SRP68: variants seen among roughly 807,000 people sequenced by gnomAD.
The protein encoded by SRP68 is signal recognition particle 68, also known as signal recognition particle subunit SRP68.
In SRP68, 15 loss-of-function variants were observed where a neutral mutation model predicts 82.2. The ratio of observed to expected loss-of-function variants is 0.18; its 90% CI spans 0.12 to 0.28. The LOEUF (loss-of-function observed/expected upper bound fraction) is 0.28. SRP68 is among the 10% of genes least tolerant of loss of function. SRP68 has a pLI of 1.00. For synonymous variants in SRP68, 261 were observed against 292.6 expected, an observed-to-expected ratio of 0.89 and a Z score of 1.10; for missense variants, 595 against 780.5, an observed-to-expected ratio of 0.76 and a Z score of 2.83.
At position 76,072,310 on chromosome 17, in the gene SRP68, T is replaced by C; in HGVS notation, c.182A>G (p.Glu61Gly). Residue 61 changes from glutamate (E) to glycine (G), a missense_variant and splice_region_variant, in exon 1 of 16, where the codon GAG (glutamate) becomes GGG (glycine). Glu to Gly is a moderately conservative substitution (Grantham distance 98, BLOSUM62 -2). Transcript: ENST00000307877. This position sits in a 1 kb window ranked among gnomAD's most constrained non-coding sequence, Gnocchi z 4.5. ...NKEFGDSLSLEILQIIKESQQ... is the reference protein window; with the variant it reads ...NKEFGDSLSLGILQIIKESQQ... Reference sequence around the variant, plus strand: ...TAGGCCCGATTACTCTAGGATACTCTCCAAACTCAGGCTATCCCCAAATTC... The same window carrying C: ...TAGGCCCGATTACTCTAGGATACTCCCCAAACTCAGGCTATCCCCAAATTC... 1 of 1,612,076 alleles carries C rather than the reference T, an allele frequency of 6.2e-7. No individual in the cohort carries two copies. The highest frequency in any genetic ancestry group is 8.5e-7 in the Non-Finnish European group (1 of 1,179,412).
chr17:76,065,902 CCTT>C (rs1429032514), intron 3 of SRP68, among the ~76,000 whole-genome samples: 2 of 151,494 alleles, frequency 1.3e-5, no homozygotes, highest in African/African-American at 4.9e-5. Flanking sequence ...TGCCTCCTCT[CCTT>C]CTATATCTAG....
intron 8 of SRP68, among the ~76,000 whole-genome samples, chr17:76,052,729 G>A (rs575105118): frequency 5.3e-5 from 8 of 151,546 alleles, no homozygotes; most frequent in South Asian, 2.1e-4. Context: ...GCGTGAACCC[G>A]GGAGGCGGAG....
intron 4 of SRP68, 47 bp downstream of exon 4, chr17:76,063,929 A>G: frequency 6.6e-7 from 1 of 1,505,442 alleles, no homozygotes. Flanking sequence ...GCTTTTTAAA[A>G]TGTCTTTAAT....
Position 76,063,961 on chromosome 17 carries a change from T to C in SRP68, c.561+15A>G. ...TAATCTCCACAATAAACAAGCTGAATGTTGAGGTACTAACCTGAGCCTCTA... is the reference window on the plus strand; with the variant it reads ...TAATCTCCACAATAAACAAGCTGAACGTTGAGGTACTAACCTGAGCCTCTA... On this transcript the variant is annotated intron_variant, in intron 4 of 15. Coordinates refer to ENST00000307877, the MANE Select transcript of SRP68 (RefSeq NM_014230.4). 1 of 1,600,562 alleles carries C rather than the reference T, an allele frequency of 6.2e-7. No individual in the cohort carries two copies. Among genetic ancestry groups the C allele is most frequent in the South Asian group, 1.1e-5 (1 of 90,126 alleles).
In SRP68 at chr17:76,072,090, G is replaced by T; in HGVS notation, c.184+218C>A. On this transcript the variant is annotated intron_variant, in intron 1 of 15. Coordinates refer to ENST00000307877, the MANE Select transcript of SRP68 (RefSeq NM_014230.4). The surrounding 1 kb of genome is among the most constrained non-coding windows in gnomAD (Gnocchi z 4.5). ...GCCTGATATCCCAGTGCCACTGGAA[G>T]AAACGGACCTAGCCAGGACGGCGAG... 1 of 882,010 alleles carries T rather than the reference G, an allele frequency of 1.1e-6. No individual in the cohort carries two copies. The highest frequency in any genetic ancestry group is 1.7e-6 in the Non-Finnish European group (1 of 596,336). The allele number at this position is 882,010 out of a possible 1,614,324, so 54.6% of individuals were successfully genotyped here.
intron 7 of SRP68, among the ~76,000 whole-genome samples, chr17:76,059,813 A>G (rs1316142376): frequency 1.4e-5 from 2 of 146,598 alleles, no homozygotes; most frequent in African/African-American, 5.1e-5. Flanking sequence ...AAAAAAGAAT[A>G]CTTCAAGTGT....
In SRP68 at chr17:76,061,173, C is replaced by T. The variant is rs2066749640; in HGVS notation, c.691G>A (p.Val231Met). The T allele has an allele frequency of 6.2e-7, 1 of 1,613,948 alleles. No homozygotes were observed. The highest frequency in any genetic ancestry group is 1.3e-5 in the African/African-American group (1 of 74,928). The change falls in exon 6 of 16, where the codon GTG becomes ATG. Residue 231 changes from valine (V) to methionine (M), a missense_variant. By Grantham distance (21) the Val-to-Met change is conservative. Around this residue, in one of 2 missense-constraint regions of SRP68, gnomAD observed 495 missense variants for 688.6 expected, o/e 0.72. Coordinates refer to ENST00000307877, the MANE Select transcript of SRP68 (RefSeq NM_014230.4). ...LASAFTEEQA[V>M]LYNQRVEEIS... ...TCTTCCACACGTTGGTTATACAGCA[C>T]AGCCTGCTCCTCTGTGAAAGCACTG...
rs763438600 is a variant in SRP68, at chr17:76,072,438, G to GCCGCCA, written c.48_53dup (p.Gly20_Gly21dup). On this transcript the variant is annotated inframe_insertion, in exon 1 of 16. Coordinates refer to ENST00000307877, the MANE Select transcript of SRP68 (RefSeq NM_014230.4). The surrounding 1 kb of genome is among the most constrained non-coding windows in gnomAD (Gnocchi z 4.5). ...TACCGCCGCCGCCACTGCCACCGCC[G>GCCGCCA]CCGCCACTGCCGCCGCCGCCGCCGC... 6.3e-7 allele frequency: 1 copy of GCCGCCA among 1,580,490 alleles called. No individual in the cohort carries two copies. The highest frequency in any genetic ancestry group is 1.1e-5 in the South Asian group (1 of 90,204).
intron 15 of SRP68, among the ~76,000 whole-genome samples, chr17:76,040,138 G>A (rs1387299225): frequency 6.6e-6 from 1 of 152,192 alleles, no homozygotes; most frequent in African/African-American, 2.4e-5. Context: ...TAAGAGAGTG[G>A]CAGGCTAGGA....
intron 2 of SRP68, among the ~76,000 whole-genome samples, chr17:76,068,561 A>T (rs2066825270): frequency 6.6e-6 from 1 of 152,198 alleles, no homozygotes; most frequent in African/African-American, 2.4e-5. Context: ...GACACCAAAC[A>T]TATGGAGAAA....
At chr17:76,040,168 G>T (rs2066578518) in intron 15 of SRP68, among the ~76,000 whole-genome samples, 1 of 152,190 alleles carries the variant, frequency 6.6e-6, no homozygotes, top group Non-Finnish European at 1.5e-5. Flanking sequence ...AGGCCTGTTG[G>T]CCATGTTACG....
Position 76,039,826 on chromosome 17 carries a change from A to C in SRP68, c.1764T>G (p.Pro588=), listed in dbSNP as rs2066575681. ...GGTTGAGGGCCAGGTCAAAGAACAA[A>C]GGCTTGCAGGGAATGGGCTGGAAGC... ...PPGFQPIPCK[P]LFFDLALNHV... is the part of the protein sequence containing the mutation. Residue 588 remains proline (P), a synonymous_variant, in exon 16 of 16, where the codon CCT becomes CCG. Coordinates refer to ENST00000307877, the MANE Select transcript of SRP68 (RefSeq NM_014230.4). The C allele has an allele frequency of 6.2e-7, 1 of 1,614,248 alleles. No individual in the cohort carries two copies. The highest frequency in any genetic ancestry group is 1.3e-5 in the African/African-American group (1 of 75,070).
At chr17:76,058,097 C>T (rs377584222) in intron 7 of SRP68, among the ~76,000 whole-genome samples, 1 of 151,712 alleles carries the variant, frequency 6.6e-6, no homozygotes, top group African/African-American at 2.4e-5. Flanking sequence ...CTCAGCCTCT[C>T]GAGCAGCTAG....
rs1283548478 is a variant in SRP68 at position 76,038,944 on chromosome 17, T to A, written c.*762A>T. 6.4e-6 allele frequency: 1 copy of A among 155,806 alleles called. No homozygotes were observed. The highest frequency in any genetic ancestry group is 1.4e-5 in the Non-Finnish European group (1 of 70,054). 9.7% of individuals were successfully genotyped at this position (155,806 alleles called of 1,614,324 possible). ...CATCTAAAAATTACACATTGGGAAGTCCTGAAAAATAGTGCCTCTAACATG... is the reference window on the plus strand; with the variant it reads ...CATCTAAAAATTACACATTGGGAAGACCTGAAAAATAGTGCCTCTAACATG... On this transcript the variant is annotated 3_prime_UTR_variant, in exon 16 of 16. Transcript: ENST00000307877.
Position 76,043,966 on chromosome 17 carries a change from G to A in SRP68, c.1395-8C>T. On this transcript the variant is annotated splice_region_variant and splice_polypyrimidine_tract_variant and intron_variant, in intron 12 of 15. Coordinates refer to ENST00000307877, the MANE Select transcript of SRP68 (RefSeq NM_014230.4). ...TGAGCAATGAAAAAACACCTGATGG[G>A]GAGGGAAAAGAGCCACAATATTCTA... is the stretch of plus-strand genomic sequence containing the variant. The A allele has an allele frequency of 6.3e-7, 1 of 1,596,122 alleles. No individual in the cohort carries two copies.
chr17:76,063,284 C>T (rs1485465525), intron 4 of SRP68, among the ~76,000 whole-genome samples: 2 of 152,194 alleles, frequency 1.3e-5, no homozygotes, highest in African/African-American at 4.8e-5. Flanking sequence ...TATCTACCAT[C>T]TCTTTTTTAA....
At chr17:76,040,697 T>C (rs1175165731) in intron 14 of SRP68, 4 of 655,486 alleles carry the variant, frequency 6.1e-6, no homozygotes, top group African/African-American at 1.8e-5. Context: ...ATGAGGACAG[T>C]AACAGGGAGA....
At chr17:76,055,026 G>A (rs1203631283) in intron 8 of SRP68, among the ~76,000 whole-genome samples, 3 of 150,862 alleles carry the variant, frequency 2.0e-5, no homozygotes, top group Non-Finnish European at 4.4e-5. Flanking sequence ...GCGCAATCTC[G>A]GCTCACTGCA....
At chr17:76,055,807 CTTT>C (rs1032113845) in intron 8 of SRP68, among the ~76,000 whole-genome samples, 4 of 106,562 alleles carry the variant, frequency 3.8e-5, no homozygotes, top group African/African-American at 1.2e-4. Context: ...TTTTTTTCTT[CTTT>C]TTTTTTTTTT....
Sources: gnomAD v4.1 joint callset for allele counts (sites outside exome capture counted in the v4.1 genomes callset) on GRCh38, gnomAD v4.1.1 for gene constraint, gnomAD v4.1.1 regional missense constraint, Gnocchi (gnomAD v3.1) non-coding constraint, MANE v1.5 for transcripts, NCBI Gene and HGNC (gene_info 2026-07-23, HGNC 2026-07-21) for gene names.